Variants in PHEX observed in about 807,000 individuals in gnomAD.
PHEX encodes phosphate-regulating neutral endopeptidase PHEX.
Under a neutral mutation model 68.0 loss-of-function variants are expected in PHEX, and 16 were observed. That is an observed-to-expected ratio of 0.24 (90% confidence interval 0.16 to 0.36). The LOEUF (loss-of-function observed/expected upper bound fraction) is 0.36. PHEX is among the 10% of genes least tolerant of loss of function. The pLI is 1.00. For synonymous variants in PHEX, 208 were observed against 205.1 expected, an observed-to-expected ratio of 1.01 and a Z score of -0.12; for missense variants, 480 against 575.5, an observed-to-expected ratio of 0.83 and a Z score of 1.70.
chrX:22,177,360 T>A (rs1363427167), intron 13 of PHEX, among the ~76,000 whole-genome samples: 3 of 111,819 alleles, frequency 2.7e-5, no homozygotes, highest in Non-Finnish European at 5.6e-5. Context: ...TTCAAATGTG[T>A]ATTTTTCTTA....
chrX:22,248,776 G>T lies in PHEX; in HGVS notation c.*823G>T, dbSNP rs41309575. ...AAATTTTGTCCAGTCTGTATGAACT[G>T]CAGTGATTGTCTGTCTGCTAGACAC... On this transcript the variant is annotated 3_prime_UTR_variant, in exon 22 of 22. Transcript: ENST00000379374. 1.8e-5 allele frequency: 2 copies of T among 112,089 alleles called. No homozygotes were observed. The highest frequency in any genetic ancestry group is 3.2e-5 in the African/African-American group (1 of 30,822). 9.2% of individuals were successfully genotyped at this position (112,089 alleles called of 1,213,427 possible). A position where few individuals can be genotyped will look rare whatever the true frequency, so the allele number is the denominator to read the frequency against.
intron 3 of PHEX, among the ~76,000 whole-genome samples, chrX:22,057,174 G>A (rs746116828): frequency 5.4e-5 from 6 of 111,833 alleles, no homozygotes; most frequent in East Asian, 2.8e-4. Flanking sequence ...TAAAAATTAC[G>A]TATGTGGTTT....
chrX:22,111,429 C>T, intron 9 of PHEX, 38 bp from the exon 10 acceptor site: 1 of 1,068,309 alleles, frequency 9.4e-7, no homozygotes, highest in South Asian at 1.9e-5. Flanking sequence ...AGATATTGAC[C>T]TAAAATACAA....
intron 16 of PHEX, among the ~76,000 whole-genome samples, chrX:22,216,109 G>C (rs765492140): frequency 8.9e-6 from 1 of 111,788 alleles, no homozygotes; most frequent in South Asian, 3.8e-4. Context: ...TACCCAAGCA[G>C]GGTATTATAA....
intron 18 of PHEX, among the ~76,000 whole-genome samples, chrX:22,223,499 C>A (rs2147176997): frequency 8.9e-6 from 1 of 111,813 alleles, no homozygotes; most frequent in African/African-American, 3.2e-5. Context: ...ATTCTAAACA[C>A]TTTGGAAGGC....
rs1174706663 is a variant in PHEX at position 22,249,941 on chromosome X, AT to A, written c.*1989del. ...AAGTGTTTGATAAAAGCATAGAATT[AT>A]GGCTTTGGAAAGACAAACTAAGTCA... On this transcript the variant is annotated 3_prime_UTR_variant, in exon 22 of 22. Transcript: ENST00000379374. The A allele has an allele frequency of 8.9e-6, 1 of 111,789 alleles. No individual in the cohort carries two copies. The highest frequency in any genetic ancestry group is 1.9e-5 in the Non-Finnish European group (1 of 53,169). 9.2% of individuals were successfully genotyped at this position (111,789 alleles called of 1,213,427 possible).
intron 12 of PHEX, among the ~76,000 whole-genome samples, chrX:22,161,267 T>C (rs1325960309): frequency 8.9e-6 from 1 of 112,482 alleles, no homozygotes; most frequent in African/African-American, 3.2e-5. Flanking sequence ...TATTGAAATA[T>C]ACCTTAATGT....
intron 11 of PHEX, among the ~76,000 whole-genome samples, chrX:22,121,323 A>G (rs1282986407): frequency 8.9e-6 from 1 of 111,969 alleles, no homozygotes; most frequent in Non-Finnish European, 1.9e-5. Context: ...CATCACGAGC[A>G]GGGAAATTCT....
intron 1 of PHEX, among the ~76,000 whole-genome samples, chrX:22,036,319 C>G (rs1035615668): frequency 4.6e-5 from 5 of 109,260 alleles, no homozygotes; most frequent in Non-Finnish European, 9.5e-5. Flanking sequence ...CTCGGCCACC[C>G]AAAGTGCTGG....
intron 18 of PHEX, among the ~76,000 whole-genome samples, chrX:22,224,060 A>G (rs67691781): frequency 0.34 from 37,368 of 110,077 alleles, 4,795 homozygotes; most frequent in Middle Eastern, 0.38. Flanking sequence ...TCGGCTCACT[A>G]CAACCTCTGC....
intron 10 of PHEX, among the ~76,000 whole-genome samples, chrX:22,113,966 T>C (rs781667467): frequency 1.9e-4 from 18 of 92,743 alleles, no homozygotes; most frequent in African/African-American, 6.4e-4. Flanking sequence ...TTTTTTTTTT[T>C]CCAGACAGAG....
chrX:22,154,933 A>G (rs1305293044), intron 12 of PHEX, among the ~76,000 whole-genome samples: 1 of 111,947 alleles, frequency 8.9e-6, no homozygotes, highest in Non-Finnish European at 1.9e-5. Flanking sequence ...ATTGATTGAG[A>G]CGGGGTCTCG....
intron 3 of PHEX, among the ~76,000 whole-genome samples, chrX:22,052,886 C>G (rs181182118): frequency 5.6e-4 from 62 of 110,912 alleles, no homozygotes; most frequent in East Asian, 1.7e-3. Context: ...AAATCTCAGA[C>G]CTCACCATTA....
intron 20 of PHEX, among the ~76,000 whole-genome samples, chrX:22,241,870 CCTT>C (rs1936210834): frequency 8.9e-6 from 1 of 112,221 alleles, no homozygotes; most frequent in African/African-American, 3.2e-5. Context: ...TGGCACCATT[CCTT>C]CTGAAACTAT....
At chrX:22,176,384 CAAA>C (rs61277745) in intron 13 of PHEX, among the ~76,000 whole-genome samples, 1,173 of 73,749 alleles carry the variant, frequency 0.016, 12 homozygotes, top group African/African-American at 0.031. Context: ...GAGACTGTCT[CAAA>C]AAAAAAAAAA....
chrX:22,192,443 C>G (rs1185536554), intron 15 of PHEX, among the ~76,000 whole-genome samples: 1 of 111,566 alleles, frequency 9.0e-6, no homozygotes, highest in Non-Finnish European at 1.9e-5. Flanking sequence ...CTTCTTTGCT[C>G]AAAAGCTTTT....
chrX:22,168,212 A>G (rs1433843852), intron 12 of PHEX, 100 bp from the exon 13 acceptor site: 3 of 638,838 alleles, frequency 4.7e-6, no homozygotes, highest in Non-Finnish European at 8.0e-6. Flanking sequence ...GATATTCAGT[A>G]AATGGAGTTT....
At chrX:22,246,120 A>T (rs1936384585) in intron 21 of PHEX, among the ~76,000 whole-genome samples, 1 of 111,969 alleles carries the variant, frequency 8.9e-6, no homozygotes, top group African/African-American at 3.2e-5. Flanking sequence ...AAGGAAAAGG[A>T]TTATGAATTG....
chrX:22,041,265 C>CTCTCTA (rs1468778300), intron 2 of PHEX, among the ~76,000 whole-genome samples: 219 of 72,787 alleles, frequency 3.0e-3, no homozygotes, highest in Non-Finnish European at 3.7e-3. Context: ...CTCTCTCTCT[C>CTCTCTA]TATATATATA....
Sources: gnomAD v4.1 joint callset for allele counts (sites outside exome capture counted in the v4.1 genomes callset) on GRCh38, gnomAD v4.1.1 for gene constraint, MANE v1.5 for transcripts, NCBI Gene and HGNC (gene_info 2026-07-23, HGNC 2026-07-21) for gene names.